Variants in EIF2AK1 observed in about 807,000 individuals in gnomAD.
EIF2AK1 encodes eukaryotic translation initiation factor 2-alpha kinase 1.
EIF2AK1 carries 54 observed loss-of-function variants against 77.9 expected under a neutral mutation model. The ratio of observed to expected loss-of-function variants is 0.69; its 90% CI spans 0.56 to 0.87. EIF2AK1 has a LOEUF of 0.87. Ranked by LOEUF, EIF2AK1 falls within the 40% of genes least tolerant of loss-of-function variation. The pLI, the probability that EIF2AK1 is intolerant of heterozygous loss-of-function variation, is 0.00. For missense variants in EIF2AK1, 810 were observed against 768.6 expected (o/e 1.05, Z -0.64); for synonymous variants, 314 against 290.5 (o/e 1.08, Z -0.82).
At chr7:6,052,855 C>T (rs1224430580) in intron 2 of EIF2AK1, among the ~76,000 whole-genome samples, 1 of 151,654 alleles carries the variant, frequency 6.6e-6, no homozygotes, top group South Asian at 2.1e-4. Context: ...CCCAGCTACT[C>T]GGGAGGGTGA....
chr7:6,046,911 T>A, intron 5 of EIF2AK1, 81 bp downstream of exon 5: 2 of 1,299,616 alleles, frequency 1.5e-6, no homozygotes, highest in Non-Finnish European at 2.1e-6. Flanking sequence ...AAAAAATAAA[T>A]AAATAAAAGA....
At chr7:6,052,453 T>C (rs2128891720) in intron 2 of EIF2AK1, among the ~76,000 whole-genome samples, 1 of 151,860 alleles carries the variant, frequency 6.6e-6, no homozygotes, top group Non-Finnish European at 1.5e-5. Flanking sequence ...GCAGTAGGTG[T>C]ACAATGTACA....
At position 6,045,086 on chromosome 7, in the gene EIF2AK1, T is replaced by C. The variant is rs149215913; in HGVS notation, c.631-425A>G. On this transcript the variant is annotated intron_variant, in intron 6 of 14. Coordinates refer to ENST00000199389, the MANE Select transcript of EIF2AK1 (RefSeq NM_014413.4). Reference sequence around the variant, plus strand: ...TGAAAACTCCTCTGTACAAGGCATCTACACTATGTTAAAATAATAGAAATT... The same window carrying C: ...TGAAAACTCCTCTGTACAAGGCATCCACACTATGTTAAAATAATAGAAATT... 3.7e-4 allele frequency among the ~76,000 whole-genome samples: 56 copies of C among 152,236 alleles called. No homozygotes were observed. The East Asian group carries it at 0.011, about 29-fold the overall frequency.
chr7:6,040,113 T>C (rs1488330987), intron 9 of EIF2AK1, among the ~76,000 whole-genome samples: 1 of 152,090 alleles, frequency 6.6e-6, no homozygotes, highest in African/African-American at 2.4e-5. Flanking sequence ...ACAGTCTTCC[T>C]CTAGTTGCCC....
rs1342575798 is a variant in EIF2AK1 at position 6,035,764 on chromosome 7, T to C, written c.1332+1660A>G. On this transcript the variant is annotated intron_variant, in intron 11 of 14. Transcript: ENST00000199389. The surrounding 1 kb of genome is among the most constrained non-coding windows in gnomAD (Gnocchi z 5.5). ...CCCCTTCACATGGCCGCAAACATGC[T>C]GAATAAGGAGATGATGGAAACGCTC... 1.9e-5 allele frequency: 30 copies of C among 1,551,016 alleles called. No individual in the cohort carries two copies. The highest frequency in any genetic ancestry group is 2.4e-5 in the Non-Finnish European group (28 of 1,147,132).
chr7:6,039,869 A>C (rs1788245082), intron 9 of EIF2AK1, among the ~76,000 whole-genome samples: 2 of 150,380 alleles, frequency 1.3e-5, no homozygotes, highest in Non-Finnish European at 3.0e-5. Flanking sequence ...TCCAGGAGGC[A>C]GAGGTTTCAG....
chr7:6,035,416 TG>T lies in EIF2AK1; in HGVS notation c.1332+2007del. 2 of 1,532,852 alleles carry T rather than the reference TG, an allele frequency of 1.3e-6. No homozygotes were observed. The highest frequency in any genetic ancestry group is 1.8e-6 in the Non-Finnish European group (2 of 1,133,620). 95.0% of individuals were successfully genotyped at this position (1,532,852 alleles called of 1,614,324 possible). On this transcript the variant is annotated intron_variant, in intron 11 of 14. Coordinates refer to ENST00000199389, the MANE Select transcript of EIF2AK1 (RefSeq NM_014413.4). This position sits in a 1 kb window ranked among gnomAD's most constrained non-coding sequence, Gnocchi z 5.5. ...AGAGCCGTTCCCACTGTGAATTCAG[TG>T]TAACGTGTAATCAATACCCATTCTA... is the stretch of plus-strand genomic sequence containing the variant.
Position 6,035,822 on chromosome 7 carries a change from C to G in EIF2AK1, c.1332+1602G>C, listed in dbSNP as rs1788062237. The G allele has an allele frequency of 6.5e-7, 1 of 1,549,858 alleles. No individual in the cohort carries two copies. The highest frequency in any genetic ancestry group is 8.7e-7 in the Non-Finnish European group (1 of 1,146,182). On this transcript the variant is annotated intron_variant, in intron 11 of 14. Coordinates refer to ENST00000199389, the MANE Select transcript of EIF2AK1 (RefSeq NM_014413.4). The surrounding 1 kb of genome is among the most constrained non-coding windows in gnomAD (Gnocchi z 5.5). ...ATGGAGCAAACGTCAACTGTGCTGT[C>G]TCTTCCACGGGGAACACGCCCCTGA...
At position 6,026,758 on chromosome 7, in the gene EIF2AK1, C is replaced by A; in HGVS notation, c.1734G>T (p.Leu578=). Reference sequence around the variant, plus strand: ...CAGAATTTTGGAAAAGTTCACTCTGCAGCAGCTGAATGGCAGATGGTCTCT... The same window carrying A: ...CAGAATTTTGGAAAAGTTCACTCTGAAGCAGCTGAATGGCAGATGGTCTCT... ...SSQRPSAIQL[L]QSELFQNSGN... The change falls in exon 14 of 15, where the codon CTG becomes CTT. Residue 578 remains leucine (L), a synonymous_variant. Transcript: ENST00000199389. 6.2e-7 allele frequency: 1 copy of A among 1,614,198 alleles called. No homozygotes were observed. The highest frequency in any genetic ancestry group is 8.5e-7 in the Non-Finnish European group (1 of 1,180,018).
Position 6,042,919 on chromosome 7 carries a change from G to A in EIF2AK1, c.791+14C>T. 1.2e-6 allele frequency: 2 copies of A among 1,609,282 alleles called. No homozygotes were observed. The highest frequency in any genetic ancestry group is 1.7e-6 in the Non-Finnish European group (2 of 1,176,004). ...GTGACAAGAGGTAATGTCCTAATAT[G>A]TAAAAGGACATACCTGTCCTCTTCC... On this transcript the variant is annotated intron_variant, in intron 8 of 14. Transcript: ENST00000199389.
intron 1 of EIF2AK1, chr7:6,058,117 G>A: frequency 2.2e-6 from 1 of 455,548 alleles, no homozygotes; most frequent in Non-Finnish European, 4.4e-6. Flanking sequence ...AAAGCCTCAA[G>A]AAAACTTGGG....
chr7:6,023,929 C>G lies in EIF2AK1; in HGVS notation c.*744G>C. ...CAGACCCTTTCTGGGATTCAAAAAC[C>G]AATTCATCAGATCGCTGCCTCTGAG... is the stretch of plus-strand genomic sequence containing the variant. On this transcript the variant is annotated 3_prime_UTR_variant, in exon 15 of 15. Coordinates refer to ENST00000199389, the MANE Select transcript of EIF2AK1 (RefSeq NM_014413.4). 6.8e-7 allele frequency: 1 copy of G among 1,461,136 alleles called. No individual in the cohort carries two copies. Among genetic ancestry groups the G allele is most frequent in the Non-Finnish European group, 9.1e-7 (1 of 1,099,430 alleles). The allele number at this position is 1,461,136 out of a possible 1,614,324, so 90.5% of individuals were successfully genotyped here. A position where few individuals can be genotyped will look rare whatever the true frequency, so the allele number is the denominator to read the frequency against.
chr7:6,036,237 TCGCAAA>T lies in EIF2AK1; in HGVS notation c.1332+1181_1332+1186del. ...CTTAAGGGACACCCTAATAAAGCAA[TCGCAAA>T]AACCTTTATCCCTACAGGGTATCTG... On this transcript the variant is annotated intron_variant, in intron 11 of 14. Transcript: ENST00000199389. This position sits in a 1 kb window ranked among gnomAD's most constrained non-coding sequence, Gnocchi z 4.6. 1 of 1,549,432 alleles carries T rather than the reference TCGCAAA, an allele frequency of 6.5e-7. No individual in the cohort carries two copies. Among genetic ancestry groups the T allele is most frequent in the Non-Finnish European group, 8.7e-7 (1 of 1,146,704 alleles).
chr7:6,052,867 G>A (rs56350415), intron 2 of EIF2AK1, among the ~76,000 whole-genome samples: 32,544 of 151,874 alleles, frequency 0.21, 4,278 homozygotes, highest in African/African-American at 0.38. Context: ...GGAGGGTGAG[G>A]CAGGAGAATC....
chr7:6,027,332 C>T lies in EIF2AK1; in HGVS notation c.1531-371G>A, dbSNP rs1280248133. 6.6e-6 allele frequency among the ~76,000 whole-genome samples: 1 copy of T among 152,190 alleles called. No individual in the cohort carries two copies. Among genetic ancestry groups the T allele is most frequent in the Non-Finnish European group, 1.5e-5 (1 of 68,038 alleles). ...GCCACAGAAGGTCGCGGGTTCTCCT[C>T]CGGTCTCACCTCTGCCTCCACTCAT... On this transcript the variant is annotated intron_variant, in intron 13 of 14. Transcript: ENST00000199389. This position sits in a 1 kb window ranked among gnomAD's most constrained non-coding sequence, Gnocchi z 4.5.
intron 3 of EIF2AK1, 148 bp downstream of exon 3, chr7:6,049,764 G>T: frequency 1.4e-6 from 1 of 709,148 alleles, no homozygotes; most frequent in Non-Finnish European, 2.2e-6. Flanking sequence ...CTGGGATTAA[G>T]GCATGAGCCA....
chr7:6,058,197 G>C, intron 1 of EIF2AK1: 1 of 455,146 alleles, frequency 2.2e-6, no homozygotes, highest in South Asian at 1.5e-5. Flanking sequence ...ATCGCTTGAG[G>C]CCAGGCGTTC....
chr7:6,047,033 G>C lies in EIF2AK1; in HGVS notation c.508C>G (p.Leu170Val), dbSNP rs372992536. The C allele has an allele frequency of 1.9e-6, 3 of 1,613,648 alleles. No individual in the cohort carries two copies. In the African/African-American group the frequency reaches 4.0e-5, roughly 22 times the overall value. ...TSRYLNEFEELAILGKGGYGR... is the reference protein window; with the variant it reads ...TSRYLNEFEEVAILGKGGYGR... ...TATCCACCTTTTCCTAAGATGGCAA[G>C]TTCTTCAAATTCATTTAAGTAACGT... Residue 170 changes from leucine (L) to valine (V), a missense_variant, in exon 5 of 15, where the codon CTT becomes GTT. Coordinates refer to ENST00000199389, the MANE Select transcript of EIF2AK1 (RefSeq NM_014413.4).
At position 6,047,109 on chromosome 7, in the gene EIF2AK1, A is replaced by G. The variant is rs757843656; in HGVS notation, c.450-18T>C. 1 of 1,596,014 alleles carries G rather than the reference A, an allele frequency of 6.3e-7. No individual in the cohort carries two copies. The highest frequency in any genetic ancestry group is 8.6e-7 in the Non-Finnish European group (1 of 1,164,278). ...CCCTTGATCTGAAAGTTAAATACAA[A>G]CAATCAATATTAAAACATGAGAGAA... On this transcript the variant is annotated intron_variant, in intron 4 of 14. Transcript: ENST00000199389.
Sources: gnomAD v4.1 joint callset for allele counts (sites outside exome capture counted in the v4.1 genomes callset) on GRCh38, gnomAD v4.1.1 for gene constraint, Gnocchi (gnomAD v3.1) non-coding constraint, MANE v1.5 for transcripts, NCBI Gene and HGNC (gene_info 2026-07-23, HGNC 2026-07-21) for gene names.